The following PHYHIPL variants were observed in gnomAD, a reference collection of about 807,000 sequenced individuals.
PHYHIPL encodes the protein phytanoyl-CoA 2-hydroxylase interacting protein like, also known as phytanoyl-CoA hydroxylase-interacting protein-like.
Under a neutral mutation model 33.4 loss-of-function variants are expected in PHYHIPL, and 9 were observed. The ratio of observed to expected loss-of-function variants is 0.27; its 90% CI spans 0.16 to 0.47. PHYHIPL has a LOEUF of 0.47. Ranked by LOEUF, PHYHIPL falls within the 20% of genes least tolerant of loss-of-function variation. The pLI, the probability that PHYHIPL is intolerant of heterozygous loss-of-function variation, is 0.99. For missense variants in PHYHIPL, 365 were observed against 460.7 expected (o/e 0.79, Z 1.90); for synonymous variants, 153 against 154.1 (o/e 0.99, Z 0.05).
chr10:59,177,089 A>G lies in PHYHIPL; in HGVS notation c.106+130A>G, dbSNP rs1168541326. 6 of 743,068 alleles carry G rather than the reference A, an allele frequency of 8.1e-6. No individual in the cohort carries two copies. In the African/African-American group the frequency reaches 8.9e-5, roughly 11 times the overall value. 46.0% of individuals were successfully genotyped at this position (743,068 alleles called of 1,614,324 possible). A position where few individuals can be genotyped will look rare whatever the true frequency, so the allele number is the denominator to read the frequency against. On this transcript the variant is annotated intron_variant, in intron 1 of 4. Coordinates refer to ENST00000373880, the MANE Select transcript of PHYHIPL (RefSeq NM_032439.4). The stretch of plus-strand genomic sequence containing the variant: ...TTGTCCCCTCTGTGCAAATAAATGC[A>G]GATGTGGGTTACCCTCCGCCCACCG...
intron 4 of PHYHIPL, among the ~76,000 whole-genome samples, chr10:59,241,875 C>CACAG (rs2133300921): frequency 1.3e-5 from 2 of 152,034 alleles, no homozygotes; most frequent in East Asian, 3.9e-4. Flanking sequence ...TGCCAATGAG[C>CACAG]ACAGACAAAA....
At chr10:59,203,806 TACCTC>T (rs746171600) in intron 1 of PHYHIPL, among the ~76,000 whole-genome samples, 132 of 151,408 alleles carry the variant, frequency 8.7e-4, no homozygotes, top group Non-Finnish European at 1.4e-3. Flanking sequence ...TTGGGAGAAA[TACCTC>T]ATGTAAATGG....
rs1198771587 is a variant in PHYHIPL, at chr10:59,236,533, C to T, written c.354C>T (p.Val118=). 1.2e-6 allele frequency: 2 copies of T among 1,610,764 alleles called. No individual in the cohort carries two copies. The highest frequency in any genetic ancestry group is 1.7e-6 in the Non-Finnish European group (2 of 1,178,202). ...AAGCTGTTCCCTTGCCTATGACTGT[C>T]CGTGGACACTGGTTTTTAAGCCCAA... ...VAKAVPLPMT[V]RGHWFLSPRT... is the part of the protein sequence containing the mutation. Residue 118 remains valine (V), a synonymous_variant, in exon 3 of 5, where the codon GTC becomes GTT. Coordinates refer to ENST00000373880, the MANE Select transcript of PHYHIPL (RefSeq NM_032439.4).
chr10:59,227,604 A>G (rs1016013273), intron 1 of PHYHIPL, among the ~76,000 whole-genome samples: 2 of 152,192 alleles, frequency 1.3e-5, no homozygotes, highest in African/African-American at 4.8e-5. Context: ...GTAATCCCTA[A>G]TGAAGACATA....
At chr10:59,222,929 A>G (rs1457065719) in intron 1 of PHYHIPL, among the ~76,000 whole-genome samples, 3 of 152,180 alleles carry the variant, frequency 2.0e-5, no homozygotes, top group Non-Finnish European at 4.4e-5. Flanking sequence ...ACCTCATTTC[A>G]TACTCATTTA....
rs117511612 is a variant in PHYHIPL at position 59,223,948 on chromosome 10, C to T, written c.107-10356C>T. 1.3e-3 allele frequency among the ~76,000 whole-genome samples: 192 copies of T among 152,318 alleles called. 1 individual carries two copies. In the East Asian group the frequency reaches 0.03, roughly 23 times the overall value. On this transcript the variant is annotated intron_variant, in intron 1 of 4. Transcript: ENST00000373880. ...GTGTTGGGATTACAGGCATGATCCA[C>T]TGCACCCAGCCCAATTGCCCTTTTT...
intron 1 of PHYHIPL, among the ~76,000 whole-genome samples, chr10:59,212,613 T>C (rs1268865482): frequency 6.6e-6 from 1 of 152,192 alleles, no homozygotes; most frequent in African/African-American, 2.4e-5. Context: ...ACTTTCCTTT[T>C]TCTGTCCATA....
chr10:59,216,056 T>C (rs1839605638), intron 1 of PHYHIPL, among the ~76,000 whole-genome samples: 1 of 151,994 alleles, frequency 6.6e-6, no homozygotes, highest in South Asian at 2.1e-4. Context: ...CAAGTAGGGG[T>C]GTTGAACACA....
intron 1 of PHYHIPL, among the ~76,000 whole-genome samples, chr10:59,201,760 A>G (rs1162811720): frequency 6.6e-6 from 1 of 152,202 alleles, no homozygotes; most frequent in East Asian, 1.9e-4. Flanking sequence ...TAAAATGCTT[A>G]CTAATGATTT....
Position 59,201,809 on chromosome 10 carries a change from G to A in PHYHIPL, c.106+24850G>A, listed in dbSNP as rs1208770127. On this transcript the variant is annotated intron_variant, in intron 1 of 4. Coordinates refer to ENST00000373880, the MANE Select transcript of PHYHIPL (RefSeq NM_032439.4). ...ATTAAAATATTACAGGTGAATCTGG[G>A]CCTTGATATTTTTAAAGTTATAAAT... 2.6e-5 allele frequency among the ~76,000 whole-genome samples: 4 copies of A among 152,012 alleles called. No homozygotes were observed. In the East Asian group the frequency reaches 7.7e-4, roughly 29 times the overall value.
At chr10:59,223,001 T>G (rs1839822963) in intron 1 of PHYHIPL, among the ~76,000 whole-genome samples, 1 of 152,202 alleles carries the variant, frequency 6.6e-6, no homozygotes, top group African/African-American at 2.4e-5. Flanking sequence ...CAACTCCATG[T>G]AGCATAGCTA....
chr10:59,202,059 CA>C (rs1839134897), intron 1 of PHYHIPL, among the ~76,000 whole-genome samples: 1 of 151,956 alleles, frequency 6.6e-6, no homozygotes, highest in Admixed American at 6.6e-5. Context: ...ATTACATAGG[CA>C]GTAATAGACC....
intron 3 of PHYHIPL, 60 bp downstream of exon 3, chr10:59,236,717 G>A (rs1179204499): frequency 6.5e-6 from 9 of 1,379,076 alleles, no homozygotes; most frequent in Non-Finnish European, 8.7e-6. Flanking sequence ...GCTAATTATA[G>A]AAAAATATTT....
intron 1 of PHYHIPL, chr10:59,177,281 C>T (rs994209769): frequency 6.5e-6 from 4 of 613,728 alleles, no homozygotes; most frequent in African/African-American, 3.8e-5. Context: ...CGATCTTTGC[C>T]GCAGTCCGGA....
intron 1 of PHYHIPL, among the ~76,000 whole-genome samples, chr10:59,222,685 T>C (rs1839811098): frequency 6.6e-6 from 1 of 151,308 alleles, no homozygotes; most frequent in Non-Finnish European, 1.5e-5. Flanking sequence ...AATACTTGAA[T>C]ATATCTGGAC....
At position 59,235,246 on chromosome 10, in the gene PHYHIPL, A is replaced by G. The variant is rs534624487; in HGVS notation, c.303+746A>G. Among the ~76,000 whole-genome samples the G allele has an allele frequency of 4.6e-4, 70 of 151,914 alleles. 3 individuals carry two copies. The South Asian group carries it at 8.9e-3, about 19-fold the overall frequency. ...CTTTTTAGTTTTGAGAATGAAAATT[A>G]TTAACTTTTAAATGTTTTTAGATAT... is the stretch of plus-strand genomic sequence containing the variant. On this transcript the variant is annotated intron_variant, in intron 2 of 4. Transcript: ENST00000373880.
intron 1 of PHYHIPL, among the ~76,000 whole-genome samples, chr10:59,227,616 C>T: frequency 6.6e-6 from 1 of 152,150 alleles, no homozygotes; most frequent in East Asian, 1.9e-4. Context: ...GAAGACATAA[C>T]TCTCAAGTAC....
intron 1 of PHYHIPL, among the ~76,000 whole-genome samples, chr10:59,199,143 C>G (rs1397810886): frequency 6.6e-6 from 1 of 152,126 alleles, no homozygotes; most frequent in Non-Finnish European, 1.5e-5. Context: ...TGCCTATGTC[C>G]TGAATGGTAT....
intron 2 of PHYHIPL, among the ~76,000 whole-genome samples, chr10:59,235,631 G>C (rs371059029): frequency 6.6e-6 from 1 of 151,802 alleles, no homozygotes. Context: ...TTTCAGTGAT[G>C]GATATTCTCT....
Sources: allele counts gnomAD v4.1 joint callset (sites outside exome capture counted in the v4.1 genomes callset), GRCh38; gene constraint gnomAD v4.1.1; transcripts MANE v1.5; gene names NCBI Gene and HGNC (gene_info 2026-07-23, HGNC 2026-07-21).